SDK1: variants seen among roughly 807,000 people sequenced by gnomAD.
SDK1 encodes the protein sidekick cell adhesion molecule 1.
SDK1 carries 157 observed loss-of-function variants against 245.5 expected under a neutral mutation model. The observed-to-expected ratio is 0.64, with a 90% CI of 0.56 to 0.73. The LOEUF is 0.73. Among genes scored for constraint, SDK1 ranks in the 30% least tolerant of loss-of-function variants. The pLI is 0.00. For synonymous variants in SDK1, 1,647 were observed against 1,278.5 expected (o/e 1.29, Z -6.15); for missense variants, 3,583 against 3,002.3 (o/e 1.19, Z -4.52).
intron 1 of SDK1, among the ~76,000 whole-genome samples, chr7:3,506,399 A>G (rs934958878): frequency 1.3e-5 from 2 of 151,830 alleles, no homozygotes; most frequent in African/African-American, 4.8e-5. Flanking sequence ...GTTTGCTTCT[A>G]TTTATCACTA....
At chr7:3,509,313 C>G (rs960669732) in intron 1 of SDK1, among the ~76,000 whole-genome samples, 26 of 152,092 alleles carry the variant, frequency 1.7e-4, no homozygotes, top group African/African-American at 4.6e-4. Flanking sequence ...AGCTTCTCAA[C>G]CTAATCCTGG....
At chr7:4,039,442 A>G (rs2128161533) in intron 17 of SDK1, among the ~76,000 whole-genome samples, 1 of 152,330 alleles carries the variant, frequency 6.6e-6, no homozygotes, top group South Asian at 2.1e-4. Flanking sequence ...GTAGGCCTTA[A>G]TGGCTTCAAA....
At chr7:3,583,018 C>A (rs921579138) in intron 1 of SDK1, among the ~76,000 whole-genome samples, 1 of 152,200 alleles carries the variant, frequency 6.6e-6, no homozygotes, top group Non-Finnish European at 1.5e-5. Flanking sequence ...GTCCTTCCTT[C>A]TGTGACCCAG....
chr7:4,267,804 CCTGT>C lies in SDK1; in HGVS notation c.*2422_*2425del, dbSNP rs1562499423. On this transcript the variant is annotated 3_prime_UTR_variant, in exon 45 of 45. Coordinates refer to ENST00000404826, the MANE Select transcript of SDK1 (RefSeq NM_152744.4). ...GTAAACCTTGATCTGTACGGAGCGG[CCTGT>C]CCGAGGCTACGCCGGCCTCCTGGCT... The C allele has an allele frequency of 3.0e-6, 3 of 985,514 alleles. No homozygotes were observed. The African/African-American group carries it at 5.2e-5, about 17-fold the overall frequency. 61.0% of individuals were successfully genotyped at this position (985,514 alleles called of 1,614,324 possible).
rs983277267 is a variant in SDK1, at chr7:4,265,072, C to G, written c.6382-52C>G. ...CGCCAGGCCTCCTGCCCAGCACGCT[C>G]CGGGCCCTGCGCCCTGCCCTGCACT... On this transcript the variant is annotated intron_variant, in intron 44 of 44. Coordinates refer to ENST00000404826, the MANE Select transcript of SDK1 (RefSeq NM_152744.4). 6 of 1,509,504 alleles carry G rather than the reference C, an allele frequency of 4.0e-6. No homozygotes were observed. The African/African-American group carries it at 6.8e-5, about 17-fold the overall frequency. 93.5% of individuals were successfully genotyped at this position (1,509,504 alleles called of 1,614,324 possible).
chr7:4,156,538 C>A (rs1186251674), intron 30 of SDK1, among the ~76,000 whole-genome samples: 1 of 152,196 alleles, frequency 6.6e-6, no homozygotes, highest in East Asian at 1.9e-4. Context: ...AGACCAGGTT[C>A]TGGAGGGCTG....
At chr7:3,583,114 C>T (rs1018837783) in intron 1 of SDK1, among the ~76,000 whole-genome samples, 7 of 152,164 alleles carry the variant, frequency 4.6e-5, no homozygotes, top group African/African-American at 9.7e-5. Context: ...CCGGAGGTAT[C>T]GGTGTCAACA....
chr7:3,364,608 G>T (rs1461338645), intron 1 of SDK1, among the ~76,000 whole-genome samples: 1 of 150,988 alleles, frequency 6.6e-6, no homozygotes, highest in South Asian at 2.1e-4. Flanking sequence ...ATCTGTTTTT[G>T]CATTTTCTAC....
At chr7:4,095,826 G>A (rs890879765) in intron 22 of SDK1, among the ~76,000 whole-genome samples, 40 of 152,154 alleles carry the variant, frequency 2.6e-4, no homozygotes, top group African/African-American at 8.9e-4. Flanking sequence ...TGCCCGCTTC[G>A]GCCTCCCAAA....
At chr7:3,935,770 T>C (rs999613922) in intron 5 of SDK1, among the ~76,000 whole-genome samples, 2 of 152,216 alleles carry the variant, frequency 1.3e-5, no homozygotes, top group African/African-American at 4.8e-5. Flanking sequence ...GTGGAGAAAC[T>C]GGAACGCTTA....
chr7:3,950,399 C>A (rs866790302), intron 5 of SDK1, among the ~76,000 whole-genome samples: 8 of 152,354 alleles, frequency 5.3e-5, no homozygotes, highest in Middle Eastern at 3.4e-3. Context: ...TCTGTGGTTT[C>A]CATTACCCTC....
intron 14 of SDK1, among the ~76,000 whole-genome samples, chr7:3,994,599 A>T (rs1388269859): frequency 6.6e-6 from 1 of 151,164 alleles, no homozygotes; most frequent in Non-Finnish European, 1.5e-5. Context: ...CCGCGATCGC[A>T]CCAAGGCACT....
intron 4 of SDK1, among the ~76,000 whole-genome samples, chr7:3,710,631 G>A (rs989066601): frequency 2.6e-5 from 4 of 152,188 alleles, no homozygotes; most frequent in Admixed American, 2.6e-4. Context: ...CAAACATTGT[G>A]TGTGTGCTTC....
intron 1 of SDK1, among the ~76,000 whole-genome samples, chr7:3,580,862 G>A (rs1460611689): frequency 5.3e-5 from 8 of 151,226 alleles, no homozygotes; most frequent in African/African-American, 1.7e-4. Context: ...CAGCTACTCG[G>A]GAGGCTGAGG....
chr7:4,128,932 G>T (rs1321596056), intron 26 of SDK1, among the ~76,000 whole-genome samples: 6 of 113,294 alleles, frequency 5.3e-5, no homozygotes, highest in Admixed American at 8.6e-5. Flanking sequence ...AGCTTGGGGT[G>T]GGGTCCCCTG....
At chr7:3,927,755 A>G (rs996772978) in intron 5 of SDK1, among the ~76,000 whole-genome samples, 1 of 152,232 alleles carries the variant, frequency 6.6e-6, no homozygotes, top group Non-Finnish European at 1.5e-5. Flanking sequence ...AATGTCGTCA[A>G]ATTTCATAAA....
intron 4 of SDK1, among the ~76,000 whole-genome samples, chr7:3,809,899 TC>T (rs1277466647): frequency 6.6e-6 from 1 of 152,156 alleles, no homozygotes; most frequent in African/African-American, 2.4e-5. Flanking sequence ...GCCCCAGGCT[TC>T]CCCAACTCAG....
At chr7:3,625,606 T>G (rs1460525696) in intron 2 of SDK1, among the ~76,000 whole-genome samples, 1 of 152,362 alleles carries the variant, frequency 6.6e-6, no homozygotes, top group Admixed American at 6.5e-5. Context: ...TTGCAACGTC[T>G]ATGGAGTCTT....
At chr7:3,965,856 G>A (rs1159225051) in intron 9 of SDK1, among the ~76,000 whole-genome samples, 6 of 152,022 alleles carry the variant, frequency 3.9e-5, no homozygotes, top group Non-Finnish European at 7.4e-5. Context: ...TTGGGGACAT[G>A]CGCATTGCAT....
Sources: allele counts gnomAD v4.1 joint callset (sites outside exome capture counted in the v4.1 genomes callset), GRCh38; gene constraint gnomAD v4.1.1; transcripts MANE v1.5; gene names NCBI Gene and HGNC (gene_info 2026-07-23, HGNC 2026-07-21).